TAPT1: variants seen among roughly 807,000 people sequenced by gnomAD.
TAPT1 encodes transmembrane anterior posterior transformation 1, also known as transmembrane anterior posterior transformation protein 1 homolog.
TAPT1 carries 28 observed loss-of-function variants against 65.6 expected under a neutral mutation model. That is an observed-to-expected ratio of 0.43 (90% CI 0.32 to 0.59). TAPT1 has a LOEUF of 0.59. Among genes scored for constraint, TAPT1 ranks in the 20% least tolerant of loss-of-function variants. The pLI is 0.09. For synonymous variants in TAPT1, 278 were observed against 245.2 expected (o/e 1.13, Z -1.25); for missense variants, 563 against 679.9 (o/e 0.83, Z 1.91).
At chr4:16,181,864 G>C (rs763564491) in intron 7 of TAPT1, among the ~76,000 whole-genome samples, 1 of 152,112 alleles carries the variant, frequency 6.6e-6, no homozygotes, top group East Asian at 1.9e-4. Flanking sequence ...CACTGTGCCT[G>C]GCCCAAAACA....
chr4:16,171,609 T>C (rs1747993870), intron 11 of TAPT1, among the ~76,000 whole-genome samples: 2 of 152,084 alleles, frequency 1.3e-5, no homozygotes, highest in African/African-American at 4.8e-5. Context: ...AAAAGAACAA[T>C]TGGGAAGAGC....
chr4:16,165,813 C>T (rs573427711), intron 13 of TAPT1, among the ~76,000 whole-genome samples: 1 of 152,270 alleles, frequency 6.6e-6, no homozygotes, highest in East Asian at 1.9e-4. Flanking sequence ...GCCAGGTCTC[C>T]CTGCTCACAC....
At chr4:16,194,657 A>C (rs555440506) in intron 3 of TAPT1, among the ~76,000 whole-genome samples, 3 of 152,280 alleles carry the variant, frequency 2.0e-5, no homozygotes, top group Admixed American at 6.5e-5. Context: ...GCAAAAAAAA[A>C]CTGGACTATT....
Position 16,188,346 on chromosome 4 carries a change from G to T in TAPT1, c.622C>A (p.Arg208Ser). The T allele has an allele frequency of 6.4e-7, 1 of 1,574,556 alleles. No individual in the cohort carries two copies. The highest frequency in any genetic ancestry group is 8.6e-7 in the Non-Finnish European group (1 of 1,166,760). Reference protein sequence around the residue: ...IIYNMLEVADRLFSSFGQDIL... With the variant: ...IIYNMLEVADSLFSSFGQDIL... ...TCTTGTCCAAAAGATGAAAACAGAC[G>T]ATCAGCTACCTAAAAAAAAAAATTA... Residue 208 changes from arginine to serine, a missense_variant, in exon 5 of 14, where the codon CGT becomes AGT. Physicochemically the swap from Arg to Ser is moderately radical, Grantham distance 110 (BLOSUM62 -1). Coordinates refer to ENST00000405303, the MANE Select transcript of TAPT1 (RefSeq NM_153365.3).
chr4:16,224,766 T>A (rs989176298), intron 1 of TAPT1, among the ~76,000 whole-genome samples: 1 of 152,194 alleles, frequency 6.6e-6, no homozygotes, highest in Non-Finnish European at 1.5e-5. Flanking sequence ...AGTCCAGGTA[T>A]CCAGTCCCAG....
intron 3 of TAPT1, among the ~76,000 whole-genome samples, chr4:16,194,347 A>C (rs1489869173): frequency 6.6e-6 from 1 of 152,192 alleles, no homozygotes; most frequent in Non-Finnish European, 1.5e-5. Flanking sequence ...TGGTTTTACA[A>C]ATGAGCCAAG....
chr4:16,192,478 A>C (rs1749432847), intron 3 of TAPT1, among the ~76,000 whole-genome samples: 1 of 152,226 alleles, frequency 6.6e-6, no homozygotes, highest in Admixed American at 6.5e-5. Context: ...ACTTCAGTTG[A>C]AATATTTTTT....
intron 2 of TAPT1, among the ~76,000 whole-genome samples, chr4:16,208,220 T>C (rs1488315169): frequency 1.3e-5 from 2 of 152,238 alleles, no homozygotes; most frequent in Non-Finnish European, 2.9e-5. Context: ...ATATTAACTA[T>C]ATTCATGGAA....
chr4:16,222,436 T>C (rs1751304609), intron 1 of TAPT1, among the ~76,000 whole-genome samples: 1 of 152,240 alleles, frequency 6.6e-6, no homozygotes, highest in Non-Finnish European at 1.5e-5. Context: ...TTATTATTTT[T>C]ATTTTTCTTT....
At chr4:16,163,665 A>G in intron 13 of TAPT1, 128 bp from the exon 14 acceptor site, 2 of 674,050 alleles carry the variant, frequency 3.0e-6, no homozygotes, top group Non-Finnish European at 5.1e-6. Flanking sequence ...AGCAAATGAT[A>G]ACCAAATAGC....
intron 1 of TAPT1, among the ~76,000 whole-genome samples, chr4:16,225,563 A>G (rs1751501717): frequency 6.6e-6 from 1 of 152,238 alleles, no homozygotes; most frequent in African/African-American, 2.4e-5. Context: ...AAATTCTTTT[A>G]AAATGAGAAT....
chr4:16,163,668 C>T, intron 13 of TAPT1, 131 bp from the exon 14 acceptor site: 1 of 666,146 alleles, frequency 1.5e-6, no homozygotes, highest in East Asian at 2.7e-5. Flanking sequence ...AAATGATAAC[C>T]AAATAGCATG....
At chr4:16,188,023 G>GTT (rs1749125098) in intron 5 of TAPT1, among the ~76,000 whole-genome samples, 197 bp downstream of exon 5, 1 of 152,168 alleles carries the variant, frequency 6.6e-6, no homozygotes, top group Non-Finnish European at 1.5e-5. Flanking sequence ...AGCTCAAAGA[G>GTT]TAATGCCTAC....
upstream of TAPT1, chr4:16,227,361 C>T: frequency 2.2e-6 from 1 of 453,330 alleles, no homozygotes; most frequent in Non-Finnish European, 4.5e-6. Context: ...GGCGTGTGAC[C>T]CCGCAACGAG....
chr4:16,181,594 A>AT (rs1286117245), intron 7 of TAPT1, among the ~76,000 whole-genome samples: 1 of 152,114 alleles, frequency 6.6e-6, no homozygotes, highest in African/African-American at 2.4e-5. Flanking sequence ...ATTTTTTAAG[A>AT]TTTTTTTATT....
At chr4:16,188,191 G>A (rs760962815) in intron 5 of TAPT1, 29 bp downstream of exon 5, 35 of 1,565,348 alleles carry the variant, frequency 2.2e-5, no homozygotes, top group South Asian at 6.1e-5. Flanking sequence ...ATTAACTGTC[G>A]GAAATTTCCA....
chr4:16,171,280 C>T (rs991543131), intron 11 of TAPT1, among the ~76,000 whole-genome samples: 3 of 152,260 alleles, frequency 2.0e-5, no homozygotes, highest in Middle Eastern at 3.4e-3. Flanking sequence ...AAACTAAACA[C>T]TATTAAAAAA....
chr4:16,214,546 C>G (rs1750826092), intron 1 of TAPT1: 1 of 152,224 alleles, frequency 6.6e-6, no homozygotes, highest in Admixed American at 6.5e-5. Context: ...AAGCAAATTA[C>G]TCCATAGTTA....
intron 4 of TAPT1, chr4:16,190,927 T>C (rs1749337423): frequency 6.3e-6 from 1 of 157,620 alleles, no homozygotes; most frequent in South Asian, 2.0e-4. Context: ...AGCAAACATA[T>C]ACATAATCAT....
Sources: allele counts gnomAD v4.1 joint callset (sites outside exome capture counted in the v4.1 genomes callset), GRCh38; gene constraint gnomAD v4.1.1; transcripts MANE v1.5; gene names NCBI Gene and HGNC (gene_info 2026-07-23, HGNC 2026-07-21).